DAB1: variants seen among roughly 807,000 people sequenced by gnomAD.
The protein encoded by DAB1 is disabled homolog 1.
Under a neutral mutation model 64.6 loss-of-function variants are expected in DAB1, and 15 were observed. The observed-to-expected ratio is 0.23, with a 90% CI of 0.16 to 0.36. The LOEUF is 0.36. Ranked by LOEUF, DAB1 falls within the 10% of genes least tolerant of loss-of-function variation. The pLI, the probability that DAB1 is intolerant of heterozygous loss-of-function variation, is 1.00. For missense variants in DAB1, 596 were observed against 706.7 expected, an observed-to-expected ratio of 0.84 and a Z score of 1.78; for synonymous variants, 235 against 251.9, an observed-to-expected ratio of 0.93 and a Z score of 0.64.
intron 4 of DAB1, among the ~76,000 whole-genome samples, chr1:57,106,711 T>C (rs967910865): frequency 6.6e-6 from 1 of 152,166 alleles, no homozygotes; most frequent in Non-Finnish European, 1.5e-5. Context: ...AGACACAACA[T>C]TGATGAAGTA....
intron 3 of DAB1, among the ~76,000 whole-genome samples, chr1:58,383,794 G>A (rs370372749): frequency 3.9e-5 from 6 of 152,088 alleles, no homozygotes; most frequent in African/African-American, 7.2e-5. Context: ...ATGAGCACAC[G>A]GGTTGTTTCC....
chr1:57,537,977 C>G (rs915216739), intron 7 of DAB1, among the ~76,000 whole-genome samples: 23 of 151,948 alleles, frequency 1.5e-4, no homozygotes, highest in Admixed American at 1.4e-3. Context: ...ACAACCAGCT[C>G]TCATTGGAAC....
chr1:58,102,989 G>A (rs987705161), intron 5 of DAB1, among the ~76,000 whole-genome samples: 19 of 152,050 alleles, frequency 1.2e-4, no homozygotes, highest in Non-Finnish European at 2.2e-4. Context: ...GTACTTCACT[G>A]GATAGAACTG....
chr1:57,590,203 G>A (rs1196172417), intron 7 of DAB1, among the ~76,000 whole-genome samples: 1 of 152,078 alleles, frequency 6.6e-6, no homozygotes, highest in Admixed American at 6.5e-5. Context: ...TTTCTTCTAT[G>A]CACACCCACG....
At chr1:58,292,969 A>G (rs1045346515) in intron 4 of DAB1, among the ~76,000 whole-genome samples, 1 of 152,090 alleles carries the variant, frequency 6.6e-6, no homozygotes, top group African/African-American at 2.4e-5. Flanking sequence ...CGAATGGTGA[A>G]GTGGAGACCC....
chr1:57,527,769 T>A (rs1644611665), intron 7 of DAB1, among the ~76,000 whole-genome samples: 2 of 152,138 alleles, frequency 1.3e-5, no homozygotes, highest in Non-Finnish European at 2.9e-5. Flanking sequence ...GTCAGGGAGT[T>A]GATAGAGAAG....
At chr1:57,977,312 T>TA (rs903789779) in intron 5 of DAB1, among the ~76,000 whole-genome samples, 3 of 152,182 alleles carry the variant, frequency 2.0e-5, no homozygotes, top group Non-Finnish European at 1.5e-5. Context: ...CCTTATTTTT[T>TA]AAAAAACAGA....
At chr1:57,112,397 G>C (rs1380575274) in intron 4 of DAB1, among the ~76,000 whole-genome samples, 1 of 152,156 alleles carries the variant, frequency 6.6e-6, no homozygotes, top group Non-Finnish European at 1.5e-5. Flanking sequence ...AGCCCAGCAG[G>C]TGAATCATCA....
chr1:58,260,805 G>A (rs1484017275), intron 4 of DAB1, among the ~76,000 whole-genome samples: 1 of 152,010 alleles, frequency 6.6e-6, no homozygotes, highest in East Asian at 1.9e-4. Context: ...ATTTCCGTGG[G>A]ACTCAACCTC....
intron 3 of DAB1, among the ~76,000 whole-genome samples, chr1:58,351,795 G>T (rs1195239582): frequency 6.7e-6 from 1 of 149,464 alleles, no homozygotes; most frequent in East Asian, 2.0e-4. Flanking sequence ...AATCTTTGCA[G>T]GGAGATGGGG....
At chr1:57,825,726 ATT>A (rs1361943685), downstream of DAB1, among the ~76,000 whole-genome samples, 1 of 152,128 alleles carries the variant, frequency 6.6e-6, no homozygotes, top group Non-Finnish European at 1.5e-5. Context: ...AATAAGATAA[ATT>A]TTCTTATTAG....
At chr1:57,295,577 G>A (rs1458982584) in intron 1 of DAB1, among the ~76,000 whole-genome samples, 1 of 152,130 alleles carries the variant, frequency 6.6e-6, no homozygotes, top group African/African-American at 2.4e-5. Flanking sequence ...CCAAGTATGT[G>A]AGATTTGGAA....
Position 57,911,627 on chromosome 1 carries a change from C to T in DAB1, n.388-27465G>A, listed in dbSNP as rs148058422. Among the ~76,000 whole-genome samples the T allele has an allele frequency of 2.2e-3, 338 of 152,312 alleles. 3 individuals are homozygous for T. Among genetic ancestry groups the T allele is most frequent in the African/African-American group, 7.8e-3 (326 of 41,574 alleles). Reference sequence around the variant, plus strand: ...CAGAGTCCACTCAGCATTCTCATCACCAGCCACCAGTACTCCTCAGACGTC... The same window carrying T: ...CAGAGTCCACTCAGCATTCTCATCATCAGCCACCAGTACTCCTCAGACGTC... On this transcript the variant is annotated intron_variant and non_coding_transcript_variant, in intron 5 of 20. Coordinates refer to the DAB1 transcript ENST00000485760.
chr1:57,005,027 T>TGAAAGTCTGGCTGTTAGGGTAG (rs1553126116), intron 14 of DAB1, among the ~76,000 whole-genome samples: 1 of 152,198 alleles, frequency 6.6e-6, no homozygotes, highest in Non-Finnish European at 1.5e-5. Flanking sequence ...ACTTTGAGTC[T>TGAAAGTCTGGCTGTTAGGGTAG]GAAAGTCTGG....
chr1:58,340,551 A>G (rs1643917685), intron 4 of DAB1, among the ~76,000 whole-genome samples: 1 of 152,168 alleles, frequency 6.6e-6, no homozygotes, highest in African/African-American at 2.4e-5. Context: ...GTTAAGATGG[A>G]GCCATGCCTT....
intron 5 of DAB1, among the ~76,000 whole-genome samples, chr1:57,972,141 T>G (rs1645811869): frequency 1.3e-5 from 2 of 152,262 alleles, no homozygotes; most frequent in South Asian, 4.1e-4. Flanking sequence ...TTTAACTTTT[T>G]GTTAATGTGT....
At chr1:57,873,629 C>T (rs538749951) in intron 1 of DAB1, among the ~76,000 whole-genome samples, 2 of 152,236 alleles carry the variant, frequency 1.3e-5, no homozygotes, top group Admixed American at 6.5e-5. Context: ...CAATGTATAG[C>T]AAAGGGTTGA....
intron 5 of DAB1, among the ~76,000 whole-genome samples, chr1:57,950,469 C>G (rs1001196202): frequency 6.6e-6 from 1 of 152,136 alleles, no homozygotes; most frequent in Non-Finnish European, 1.5e-5. Flanking sequence ...CCATGTCCTC[C>G]TAACATTGTC....
intron 3 of DAB1, among the ~76,000 whole-genome samples, chr1:58,378,523 G>T (rs1644352598): frequency 2.1e-5 from 1 of 48,530 alleles, no homozygotes. Context: ...CACTTGAGGA[G>T]GCAGTCTGCC....
Sources: allele counts gnomAD v4.1 joint callset (sites outside exome capture counted in the v4.1 genomes callset), GRCh38; gene constraint gnomAD v4.1.1; transcripts MANE v1.5; gene names NCBI Gene and HGNC (gene_info 2026-07-23, HGNC 2026-07-21).